The following TMEM229B variants were observed in gnomAD, a reference collection of about 807,000 sequenced individuals.
The protein encoded by TMEM229B is chromosome 14 open reading frame 83.
Under a neutral mutation model 13.7 loss-of-function variants are expected in TMEM229B, and 6 were observed. The observed-to-expected ratio is 0.44, with a 90% CI of 0.24 to 0.86. TMEM229B has a LOEUF of 0.86. Ranked by LOEUF, TMEM229B falls within the 40% of genes least tolerant of loss-of-function variation. TMEM229B has a pLI of 0.23. For missense variants in TMEM229B, 170 were observed against 236.0 expected (o/e 0.72, Z 1.83); for synonymous variants, 107 against 102.1 (o/e 1.05, Z -0.29).
At chr14:67,485,546 A>C (rs891032451) in intron 2 of TMEM229B, among the ~76,000 whole-genome samples, 4 of 152,140 alleles carry the variant, frequency 2.6e-5, no homozygotes, top group African/African-American at 9.7e-5. Flanking sequence ...ACTCCAAAAA[A>C]AGCTTGTCTG....
At chr14:67,514,114 G>C (rs192065946) in intron 1 of TMEM229B, among the ~76,000 whole-genome samples, 1 of 152,264 alleles carries the variant, frequency 6.6e-6, no homozygotes, top group Admixed American at 6.5e-5. Flanking sequence ...AGCCCCCAAG[G>C]TTACACCAGC....
intron 1 of TMEM229B, chr14:67,503,412 G>C (rs990308590): frequency 6.6e-6 from 1 of 152,256 alleles, no homozygotes; most frequent in Non-Finnish European, 1.5e-5. Context: ...TCCTGGGGGC[G>C]CTGGGGAGAT....
intron 1 of TMEM229B, among the ~76,000 whole-genome samples, chr14:67,509,038 A>C (rs914607276): frequency 6.6e-6 from 1 of 152,158 alleles, no homozygotes; most frequent in African/African-American, 2.4e-5. Flanking sequence ...ATAAGCTTCT[A>C]TGACTAGTGG....
At chr14:67,478,546 C>A (rs1229387029) in intron 2 of TMEM229B, among the ~76,000 whole-genome samples, 4 of 152,198 alleles carry the variant, frequency 2.6e-5, no homozygotes, top group African/African-American at 9.7e-5. Flanking sequence ...AAATGCAAAT[C>A]CGATGTTTCT....
At chr14:67,514,621 C>T (rs1425456447) in intron 1 of TMEM229B, among the ~76,000 whole-genome samples, 15 of 152,096 alleles carry the variant, frequency 9.9e-5, no homozygotes. Context: ...CAGGAGGGTC[C>T]TTGGTTTCCA....
intron 1 of TMEM229B, among the ~76,000 whole-genome samples, chr14:67,508,639 G>T (rs2032914639): frequency 6.6e-6 from 1 of 151,660 alleles, no homozygotes; most frequent in Admixed American, 6.6e-5. Context: ...CCAGCTACTT[G>T]GAAGGCTGAG....
chr14:67,533,624 C>T (rs1193869516), intron 1 of TMEM229B: 1 of 152,108 alleles, frequency 6.6e-6, no homozygotes. Context: ...GAGGAGCCTC[C>T]CCCGGGAGTA....
intron 1 of TMEM229B, among the ~76,000 whole-genome samples, chr14:67,524,585 A>T (rs2033339338): frequency 6.6e-6 from 1 of 152,150 alleles, no homozygotes; most frequent in East Asian, 1.9e-4. Context: ...TTCTTTCCTC[A>T]AATGGAGAAA....
Position 67,497,092 on chromosome 14 carries a change from TTC to T in TMEM229B, c.-191-9922_-191-9921del, listed in dbSNP as rs201712501. Among the ~76,000 whole-genome samples, 44 of 149,968 alleles carry T rather than the reference TTC, an allele frequency of 2.9e-4. No homozygotes were observed. In the South Asian group the frequency reaches 8.4e-3, roughly 29 times the overall value. ...CAGGCCTGAGCCACCGTGCCTTTCTTTCTCTCTCTCTCTTTCAAGATAAGAGA... is the reference window on the plus strand; with the variant it reads ...CAGGCCTGAGCCACCGTGCCTTTCTTTCTCTCTCTCTTTCAAGATAAGAGA... On this transcript the variant is annotated intron_variant, in intron 1 of 2. Coordinates refer to the TMEM229B transcript ENST00000357461.
At chr14:67,484,744 T>G (rs2031777696) in intron 2 of TMEM229B, among the ~76,000 whole-genome samples, 1 of 152,060 alleles carries the variant, frequency 6.6e-6, no homozygotes, top group African/African-American at 2.4e-5. Context: ...GGCAACATAG[T>G]GAGACCTCAT....
upstream of TMEM229B, among the ~76,000 whole-genome samples, chr14:67,489,802 A>AAT (rs2032084002): frequency 1.3e-5 from 2 of 152,176 alleles, no homozygotes; most frequent in Non-Finnish European, 2.9e-5. Flanking sequence ...CATCCTGGCT[A>AAT]ACATGGTGAA....
upstream of TMEM229B, among the ~76,000 whole-genome samples, chr14:67,518,812 G>A (rs929954219): frequency 5.3e-5 from 8 of 152,226 alleles, no homozygotes; most frequent in African/African-American, 1.9e-4. Flanking sequence ...TAGGAGAGAT[G>A]TGGCTCAAGA....
intron 1 of TMEM229B, among the ~76,000 whole-genome samples, chr14:67,504,293 C>T (rs1171120326): frequency 6.6e-6 from 1 of 152,144 alleles, no homozygotes; most frequent in Non-Finnish European, 1.5e-5. Context: ...GGGTTGCAGG[C>T]GTGAGCCACC....
At chr14:67,489,343 T>C (rs2032058877), upstream of TMEM229B, among the ~76,000 whole-genome samples, 1 of 152,142 alleles carries the variant, frequency 6.6e-6, no homozygotes, top group Non-Finnish European at 1.5e-5. Flanking sequence ...CCAAATCTCA[T>C]CCTTAAGGCA....
At chr14:67,496,787 T>C (rs2140172491) in intron 1 of TMEM229B, among the ~76,000 whole-genome samples, 1 of 62,056 alleles carries the variant, frequency 1.6e-5, no homozygotes, top group East Asian at 4.5e-4. Context: ...CCCTCATTTC[T>C]GTCTTTCTTT....
intron 2 of TMEM229B, among the ~76,000 whole-genome samples, chr14:67,479,138 G>T (rs1223572359): frequency 6.6e-6 from 1 of 152,156 alleles, no homozygotes; most frequent in Non-Finnish European, 1.5e-5. Context: ...GCTGGACGTG[G>T]TGGCTCACCC....
At chr14:67,513,797 G>A (rs906637611) in intron 1 of TMEM229B, among the ~76,000 whole-genome samples, 39 of 152,172 alleles carry the variant, frequency 2.6e-4, no homozygotes, top group Admixed American at 2.5e-3. Flanking sequence ...AAAAAAATCT[G>A]AGCTCCCAAA....
At chr14:67,508,717 G>GCACTCCA (rs2140230631) in intron 1 of TMEM229B, among the ~76,000 whole-genome samples, 1 of 121,346 alleles carries the variant, frequency 8.2e-6, no homozygotes, top group South Asian at 2.9e-4. Flanking sequence ...TTGTGCCACT[G>GCACTCCA]CACTCCAGCC....
At chr14:67,496,391 GTTTTTTTTTTT>G (rs555715850) in intron 1 of TMEM229B, among the ~76,000 whole-genome samples, 97 of 30,096 alleles carry the variant, frequency 3.2e-3, no homozygotes, top group African/African-American at 0.012. Flanking sequence ...CTGCTCCGGC[GTTTTTTTTTTT>G]TTTTTTTTTT....
Sources: gnomAD v4.1 joint callset for allele counts (sites outside exome capture counted in the v4.1 genomes callset) on GRCh38, gnomAD v4.1.1 for gene constraint, MANE v1.5 for transcripts, NCBI Gene and HGNC (gene_info 2026-07-23, HGNC 2026-07-21) for gene names.